ZNF385D: variants seen among roughly 807,000 people sequenced by gnomAD.
ZNF385D encodes zinc finger protein 659.
A neutral mutation model predicts 35.8 loss-of-function variants in ZNF385D; 15 were observed. That is an observed-to-expected ratio of 0.42 (90% CI 0.28 to 0.64). ZNF385D has a LOEUF of 0.64. ZNF385D is among the 30% of genes least tolerant of loss of function. The probability of loss-of-function intolerance (pLI) is 0.23; values close to 1 mark genes in which losing one functional copy is unlikely to be tolerated. For missense variants in ZNF385D, 474 were observed against 494.6 expected (o/e 0.96, Z 0.39); for synonymous variants, 212 against 186.8 (o/e 1.13, Z -1.10).
chr3:21,635,979 T>C (rs1345770533), intron 2 of ZNF385D, among the ~76,000 whole-genome samples: 1 of 152,130 alleles, frequency 6.6e-6, no homozygotes, highest in Non-Finnish European at 1.5e-5. Context: ...TTTGGGCTGG[T>C]TCCATATTTT....
intron 3 of ZNF385D, among the ~76,000 whole-genome samples, chr3:21,888,110 A>AT (rs1436538781): frequency 2.0e-5 from 3 of 152,032 alleles, no homozygotes; most frequent in Non-Finnish European, 4.4e-5. Context: ...ACATCTCATA[A>AT]TTTTTTTAAA....
intron 3 of ZNF385D, among the ~76,000 whole-genome samples, chr3:21,798,493 C>T (rs2072253194): frequency 6.6e-6 from 1 of 152,194 alleles, no homozygotes; most frequent in South Asian, 2.1e-4. Flanking sequence ...AAGCTTGCTT[C>T]TTCAAGGATA....
intron 3 of ZNF385D, among the ~76,000 whole-genome samples, chr3:21,842,071 T>A (rs1695717777): frequency 6.6e-6 from 1 of 151,924 alleles, no homozygotes; most frequent in South Asian, 2.1e-4. Context: ...AAAATTTAGA[T>A]TTTTTGTTAA....
intron 3 of ZNF385D, among the ~76,000 whole-genome samples, chr3:21,528,156 T>G (rs1271387533): frequency 6.6e-6 from 1 of 152,182 alleles, no homozygotes; most frequent in Non-Finnish European, 1.5e-5. Context: ...ATGCAGATAT[T>G]CTTCAGCTTG....
chr3:22,216,241 G>T (rs1007187613), intron 2 of ZNF385D, among the ~76,000 whole-genome samples: 16 of 151,764 alleles, frequency 1.1e-4, no homozygotes, highest in African/African-American at 3.9e-4. Flanking sequence ...CTCAAATTTT[G>T]TAACTTGATA....
chr3:21,492,368 T>G (rs1271959480), intron 4 of ZNF385D, among the ~76,000 whole-genome samples: 3 of 151,506 alleles, frequency 2.0e-5, no homozygotes, highest in Non-Finnish European at 4.4e-5. Flanking sequence ...GCTTTACGGA[T>G]TCTAAATGGT....
chr3:21,887,474 T>C (rs531020132), intron 3 of ZNF385D, among the ~76,000 whole-genome samples: 4 of 152,232 alleles, frequency 2.6e-5, no homozygotes, highest in African/African-American at 9.6e-5. Flanking sequence ...GATGGTAAAT[T>C]CTATAGAAAC....
At chr3:21,495,417 G>C (rs1392544927) in intron 4 of ZNF385D, among the ~76,000 whole-genome samples, 1 of 151,944 alleles carries the variant, frequency 6.6e-6, no homozygotes, top group East Asian at 1.9e-4. Context: ...AAACCTTATA[G>C]TTACATGGAA....
intron 2 of ZNF385D, among the ~76,000 whole-genome samples, chr3:22,307,920 T>C (rs1431540147): frequency 2.0e-5 from 3 of 152,046 alleles, no homozygotes; most frequent in Non-Finnish European, 4.4e-5. Flanking sequence ...AAAAGATAAA[T>C]GAGGCACTTT....
chr3:22,211,180 C>T (rs1697498101), intron 2 of ZNF385D, among the ~76,000 whole-genome samples: 1 of 151,840 alleles, frequency 6.6e-6, no homozygotes, highest in Non-Finnish European at 1.5e-5. Context: ...AAAGTGGGAA[C>T]ATAATAAGCA....
chr3:21,532,805 G>A (rs1038686384), intron 3 of ZNF385D, among the ~76,000 whole-genome samples: 1 of 151,954 alleles, frequency 6.6e-6, no homozygotes, highest in African/African-American at 2.4e-5. Context: ...TGCCTATGAT[G>A]GCCAAATGCT....
At chr3:22,075,471 G>T (rs1178071517) in intron 3 of ZNF385D, among the ~76,000 whole-genome samples, 1 of 151,728 alleles carries the variant, frequency 6.6e-6, no homozygotes, top group Non-Finnish European at 1.5e-5. Context: ...ATGATTCTCT[G>T]CCCTCATCAT....
At chr3:21,992,462 C>T (rs1351892567) in intron 3 of ZNF385D, among the ~76,000 whole-genome samples, 1 of 152,120 alleles carries the variant, frequency 6.6e-6, no homozygotes, top group African/African-American at 2.4e-5. Context: ...TATCATCATC[C>T]ATCACAGCTA....
chr3:22,347,201 A>T (rs1695698827), intron 2 of ZNF385D, among the ~76,000 whole-genome samples: 1 of 152,214 alleles, frequency 6.6e-6, no homozygotes, highest in South Asian at 2.1e-4. Context: ...TGCTCATAAC[A>T]TGTTTATTCA....
At chr3:21,746,635 T>C (rs2069784031) in intron 1 of ZNF385D, among the ~76,000 whole-genome samples, 1 of 152,214 alleles carries the variant, frequency 6.6e-6, no homozygotes, top group African/African-American at 2.4e-5. Flanking sequence ...TAGAAGTTTC[T>C]TCCTGAATTA....
rs1161046387 is a variant in ZNF385D, at chr3:21,818,302, A to G, written c.326-153274T>C. On this transcript the variant is annotated intron_variant, in intron 3 of 5. Coordinates refer to the ZNF385D transcript ENST00000494108. ...TATGTAACAAACATGCACGTTGTGC[A>G]TATGTACTCTAGAACATAAGGTATA... 3.3e-5 allele frequency among the ~76,000 whole-genome samples: 5 copies of G among 152,244 alleles called. 1 individual carries two copies. In the East Asian group the frequency reaches 9.6e-4, roughly 29 times the overall value.
chr3:21,885,937 A>G (rs1698525071), intron 3 of ZNF385D, among the ~76,000 whole-genome samples: 1 of 152,146 alleles, frequency 6.6e-6, no homozygotes, highest in Non-Finnish European at 1.5e-5. Flanking sequence ...AGTTAATTGG[A>G]TAAGGTCCAC....
intron 3 of ZNF385D, among the ~76,000 whole-genome samples, chr3:22,140,099 A>G (rs967114530): frequency 2.6e-5 from 4 of 152,188 alleles, no homozygotes; most frequent in African/African-American, 9.7e-5. Context: ...TCATTCCTAA[A>G]TATCCTAGAG....
At chr3:22,031,703 T>C (rs1330934113) in intron 3 of ZNF385D, among the ~76,000 whole-genome samples, 1 of 152,134 alleles carries the variant, frequency 6.6e-6, no homozygotes, top group Non-Finnish European at 1.5e-5. Context: ...TGCTGGTTAT[T>C]AACATTTGCC....
Sources: gnomAD v4.1 joint callset for allele counts (sites outside exome capture counted in the v4.1 genomes callset) on GRCh38, gnomAD v4.1.1 for gene constraint, MANE v1.5 for transcripts, NCBI Gene and HGNC (gene_info 2026-07-23, HGNC 2026-07-21) for gene names.